The following CDIN1 variants were observed in gnomAD, a reference collection of about 807,000 sequenced individuals.
CDIN1 encodes CDAN1 interacting nuclease 1, also known as CDAN1-interacting nuclease 1.
Under a neutral mutation model 45.3 loss-of-function variants are expected in CDIN1, and 33 were observed. That is an observed-to-expected ratio of 0.73 (90% CI 0.55 to 0.97). CDIN1 has a LOEUF of 0.97. CDIN1 is among the 50% of genes least tolerant of loss of function. CDIN1 has a pLI of 0.00. For missense variants in CDIN1, 303 were observed against 339.4 expected, an observed-to-expected ratio of 0.89 and a Z score of 0.84; for synonymous variants, 118 against 124.4, an observed-to-expected ratio of 0.95 and a Z score of 0.34.
intron 1 of CDIN1, among the ~76,000 whole-genome samples, chr15:36,615,783 A>G (rs778365080): frequency 1.7e-4 from 26 of 152,054 alleles, no homozygotes; most frequent in Non-Finnish European, 1.5e-4. Flanking sequence ...GTCCTTCTCA[A>G]TTTCTTGTTT....
chr15:36,700,112 A>G lies in CDIN1; in HGVS notation c.544+2722A>G, dbSNP rs111873715. On this transcript the variant is annotated intron_variant, in intron 8 of 10. Coordinates refer to ENST00000566621, the MANE Select transcript of CDIN1 (RefSeq NM_001321759.2). Reference sequence around the variant, plus strand: ...GGTCCAGTAGGGAGACAAGCTACCAATGAACACAGATAATTTCTAACAGTT... The same window carrying G: ...GGTCCAGTAGGGAGACAAGCTACCAGTGAACACAGATAATTTCTAACAGTT... 2.1e-3 allele frequency among the ~76,000 whole-genome samples: 322 copies of G among 152,306 alleles called. 1 individual carries two copies. The highest frequency in any genetic ancestry group is 7.0e-3 in the African/African-American group (293 of 41,576).
At chr15:36,641,859 TG>T (rs2140394895) in intron 1 of CDIN1, 1 of 152,342 alleles carries the variant, frequency 6.6e-6, no homozygotes, top group African/African-American at 2.4e-5. Flanking sequence ...AGATGCACTG[TG>T]GTACTGTTGA....
chr15:36,608,044 T>C (rs996262549), intron 1 of CDIN1, among the ~76,000 whole-genome samples: 5 of 152,248 alleles, frequency 3.3e-5, no homozygotes, highest in African/African-American at 1.2e-4. Context: ...GAAAAATCCA[T>C]TGTAGGAATA....
rs2043787157 is a variant in CDIN1, at chr15:36,730,141, C to A, written c.716+20180C>A. ...CAATTTCATGTTAATCATCAAAACCCTCAGGGTGTCCAATTTAACTGTTGT... is the reference window on the plus strand; with the variant it reads ...CAATTTCATGTTAATCATCAAAACCATCAGGGTGTCCAATTTAACTGTTGT... On this transcript the variant is annotated intron_variant, in intron 10 of 10. Transcript: ENST00000566621. Among the ~76,000 whole-genome samples, 2 of 152,044 alleles carry A rather than the reference C, an allele frequency of 1.3e-5. 1 individual carries two copies. Among genetic ancestry groups the A allele is most frequent in the South Asian group, 4.2e-4 (2 of 4,812 alleles).
intron 10 of CDIN1, among the ~76,000 whole-genome samples, chr15:36,710,227 T>C (rs1377523527): frequency 3.3e-5 from 5 of 152,170 alleles, no homozygotes; most frequent in Non-Finnish European, 7.4e-5. Flanking sequence ...TTGGTGTCAC[T>C]TAAAATACAG....
intron 10 of CDIN1, among the ~76,000 whole-genome samples, chr15:36,765,615 AAT>A (rs1449948971): frequency 2.6e-5 from 4 of 152,130 alleles, no homozygotes; most frequent in Non-Finnish European, 5.9e-5. Context: ...GAATTTATCT[AAT>A]TTTGTTTTTA....
intron 10 of CDIN1, among the ~76,000 whole-genome samples, chr15:36,733,608 T>A (rs908849800): frequency 2.6e-5 from 4 of 151,956 alleles, no homozygotes; most frequent in African/African-American, 9.7e-5. Flanking sequence ...TTTGAAGGAG[T>A]TCTGTTGTTA....
chr15:36,770,371 A>G (rs1206610404), intron 10 of CDIN1, among the ~76,000 whole-genome samples: 2 of 151,814 alleles, frequency 1.3e-5, no homozygotes, highest in Admixed American at 6.6e-5. Context: ...AGAGAGAGAA[A>G]AGGAGAGGGG....
intron 9 of CDIN1, 69 bp from the exon 10 acceptor site, chr15:36,709,787 C>T (rs866472509): frequency 8.4e-7 from 1 of 1,194,258 alleles, no homozygotes; most frequent in African/African-American, 1.5e-5. Flanking sequence ...ATAGAGAGGC[C>T]TGTACAGAGT....
intron 10 of CDIN1, among the ~76,000 whole-genome samples, chr15:36,744,454 G>A (rs1350683621): frequency 5.3e-5 from 8 of 152,106 alleles, no homozygotes; most frequent in Non-Finnish European, 8.8e-5. Context: ...AGGGTAATAT[G>A]TTCACTCATT....
chr15:36,701,642 C>T (rs1269632025), intron 8 of CDIN1, among the ~76,000 whole-genome samples: 3 of 152,148 alleles, frequency 2.0e-5, no homozygotes, highest in Non-Finnish European at 4.4e-5. Context: ...TAAGTCTGGC[C>T]TAATAAGAAT....
intron 1 of CDIN1, chr15:36,617,434 A>T (rs1277850659): frequency 1.8e-6 from 2 of 1,109,354 alleles, no homozygotes; most frequent in East Asian, 4.7e-5. Context: ...AGCAATTTCT[A>T]CAGAAGACCT....
chr15:36,798,564 C>T (rs1642348203), intron 10 of CDIN1: 1 of 152,268 alleles, frequency 6.6e-6, no homozygotes, highest in South Asian at 2.1e-4. Flanking sequence ...TGTATCAGCC[C>T]TAATCCTTCA....
chr15:36,681,094 ATAAAC>A (rs2041835116), intron 5 of CDIN1, among the ~76,000 whole-genome samples: 1 of 152,158 alleles, frequency 6.6e-6, no homozygotes, highest in Admixed American at 6.5e-5. Flanking sequence ...AAATGACACT[ATAAAC>A]TATAAGACAA....
intron 1 of CDIN1, among the ~76,000 whole-genome samples, chr15:36,583,411 G>C (rs2037136974): frequency 6.6e-6 from 1 of 152,080 alleles, no homozygotes; most frequent in Non-Finnish European, 1.5e-5. Context: ...TTTGACTGAA[G>C]TTACAAAATT....
At chr15:36,677,143 G>A (rs977066698) in intron 5 of CDIN1, among the ~76,000 whole-genome samples, 4 of 152,068 alleles carry the variant, frequency 2.6e-5, no homozygotes, top group Non-Finnish European at 4.4e-5. Context: ...TGTGCAAAGT[G>A]GCTTTGGAGT....
At chr15:36,590,206 T>A (rs2054015) in intron 1 of CDIN1, among the ~76,000 whole-genome samples, 1 of 151,874 alleles carries the variant, frequency 6.6e-6, no homozygotes, top group East Asian at 1.9e-4. Flanking sequence ...GTGTTCAAAC[T>A]GTGACCTCAT....
intron 10 of CDIN1, chr15:36,799,174 G>C (rs1003442743): frequency 6.6e-6 from 1 of 152,192 alleles, no homozygotes. Flanking sequence ...ATAAATTCCA[G>C]ATCGATGGAC....
chr15:36,660,921 A>G (rs2040986337), intron 5 of CDIN1, among the ~76,000 whole-genome samples: 1 of 152,170 alleles, frequency 6.6e-6, no homozygotes, highest in African/African-American at 2.4e-5. Flanking sequence ...TTCCTCCCAA[A>G]TTAGACATGA....
Sources: gnomAD v4.1 joint callset for allele counts (sites outside exome capture counted in the v4.1 genomes callset) on GRCh38, gnomAD v4.1.1 for gene constraint, MANE v1.5 for transcripts, NCBI Gene and HGNC (gene_info 2026-07-23, HGNC 2026-07-21) for gene names.